IQCM: variants seen among roughly 807,000 people sequenced by gnomAD.
IQCM encodes IQ domain-containing protein M.
A neutral mutation model predicts 57.6 loss-of-function variants in IQCM; 45 were observed. The observed-to-expected ratio is 0.78, with a 90% CI of 0.62 to 1.00. IQCM has a LOEUF of 1.00. Among genes scored for constraint, IQCM ranks in the 50% least tolerant of loss-of-function variants. The pLI is 0.00. For synonymous variants in IQCM, 148 were observed against 158.9 expected (o/e 0.93, Z 0.51); for missense variants, 468 against 511.6 (o/e 0.91, Z 0.82).
At chr4:149,809,786 T>C (rs1394512140) in intron 2 of IQCM, among the ~76,000 whole-genome samples, 1 of 152,138 alleles carries the variant, frequency 6.6e-6, no homozygotes, top group Non-Finnish European at 1.5e-5. Context: ...AGCATCTCCA[T>C]TTCATATTCT....
Position 149,692,946 on chromosome 4 carries a change from T to G in IQCM, c.386-6478A>C, listed in dbSNP as rs547793815. 1.5e-3 allele frequency among the ~76,000 whole-genome samples: 226 copies of G among 152,236 alleles called. 1 individual carries two copies. Among genetic ancestry groups the G allele is most frequent in the African/African-American group, 5.3e-3 (219 of 41,532 alleles). On this transcript the variant is annotated intron_variant, in intron 5 of 13. Transcript: ENST00000636793. ...TGATGAATTCTTAGAGGTTTTACAA[T>G]GAAGTTAAGCAAAAGGAATGTAAGG...
At chr4:149,510,791 GAT>G (rs1198211470) in intron 12 of IQCM, among the ~76,000 whole-genome samples, 4 of 152,092 alleles carry the variant, frequency 2.6e-5, no homozygotes, top group South Asian at 4.1e-4. Flanking sequence ...TGTGTTTGTA[GAT>G]ATAGTGTCAT....
chr4:149,578,704 G>T (rs1751889820), intron 9 of IQCM, among the ~76,000 whole-genome samples: 1 of 151,786 alleles, frequency 6.6e-6, no homozygotes. Flanking sequence ...ATAAATGAAT[G>T]TCCACAATTC....
intron 12 of IQCM, among the ~76,000 whole-genome samples, chr4:149,477,626 A>T (rs1740337906): frequency 6.6e-6 from 1 of 152,192 alleles, no homozygotes; most frequent in African/African-American, 2.4e-5. Context: ...GAAATGGAGC[A>T]GGTATGTGTA....
rs556011127 is a variant in IQCM, at chr4:149,570,381, A to T, written c.750-6491T>A. On this transcript the variant is annotated intron_variant, in intron 9 of 13. Transcript: ENST00000636793. ...TAATCTTTACGTGAAAATGATGCCC[A>T]CTAGGTCCTCCTAAAAAACCAGCTC... is the stretch of plus-strand genomic sequence containing the variant. Among the ~76,000 whole-genome samples, 25 of 152,190 alleles carry T rather than the reference A, an allele frequency of 1.6e-4. No individual in the cohort carries two copies. In the South Asian group the frequency reaches 5.0e-3, roughly 30 times the overall value.
chr4:149,624,173 C>T (rs558570287), intron 7 of IQCM, among the ~76,000 whole-genome samples: 16 of 151,654 alleles, frequency 1.1e-4, no homozygotes, highest in African/African-American at 2.4e-4. Context: ...TGTGTGTGCG[C>T]GCGCATGCAT....
chr4:149,479,347 A>T (rs1401469683), intron 12 of IQCM, among the ~76,000 whole-genome samples: 1 of 152,172 alleles, frequency 6.6e-6, no homozygotes, highest in Non-Finnish European at 1.5e-5. Flanking sequence ...CACATGGCCA[A>T]AGTTATAATA....
chr4:149,624,035 T>G (rs1481874691), intron 7 of IQCM, among the ~76,000 whole-genome samples: 2 of 152,200 alleles, frequency 1.3e-5, no homozygotes, highest in African/African-American at 4.8e-5. Flanking sequence ...CAAAAAAATA[T>G]TAATTCATGT....
At chr4:149,502,781 C>A (rs760922422) in intron 12 of IQCM, among the ~76,000 whole-genome samples, 2 of 151,970 alleles carry the variant, frequency 1.3e-5, no homozygotes, top group East Asian at 1.9e-4. Context: ...GAGCAATGAA[C>A]GGTCAAATCA....
chr4:149,352,144 A>G (rs759405128), intron 13 of IQCM, 78 bp from the exon 14 acceptor site: 9 of 397,474 alleles, frequency 2.3e-5, no homozygotes, highest in Non-Finnish European at 2.7e-5. Flanking sequence ...TTGAAATTCT[A>G]TAAGTTACAG....
intron 8 of IQCM, among the ~76,000 whole-genome samples, chr4:149,602,833 C>T (rs1754439155): frequency 6.6e-6 from 1 of 151,776 alleles, no homozygotes; most frequent in African/African-American, 2.4e-5. Context: ...CTTTTTTATG[C>T]ACTCTTGTTT....
intron 6 of IQCM, among the ~76,000 whole-genome samples, chr4:149,684,815 G>A (rs1354486735): frequency 6.6e-6 from 1 of 151,290 alleles, no homozygotes; most frequent in Non-Finnish European, 1.5e-5. Flanking sequence ...ATGAAATGAA[G>A]CTAACTGTTA....
rs574245573 is a variant in IQCM, at chr4:149,805,943, T to C, written c.-49+9368A>G. On this transcript the variant is annotated intron_variant, in intron 2 of 13. Transcript: ENST00000636793. Reference sequence around the variant, plus strand: ...TTGTTTTTTGATGTTAATATGAATTTTGGTAGTGCACAATGACAAGTTACG... The same window carrying C: ...TTGTTTTTTGATGTTAATATGAATTCTGGTAGTGCACAATGACAAGTTACG... Among the ~76,000 whole-genome samples, 12 of 152,028 alleles carry C rather than the reference T, an allele frequency of 7.9e-5. No homozygotes were observed. The South Asian group carries it at 2.1e-3, about 26-fold the overall frequency.
chr4:149,544,118 T>A (rs2149884245), intron 12 of IQCM, among the ~76,000 whole-genome samples: 1 of 152,254 alleles, frequency 6.6e-6, no homozygotes, highest in East Asian at 1.9e-4. Flanking sequence ...AAAAAAAAGA[T>A]CCTGAAATGT....
Position 149,733,429 on chromosome 4 carries a change from T to G in IQCM, c.200A>C (p.Glu67Ala). 2 of 1,231,794 alleles carry G rather than the reference T, an allele frequency of 1.6e-6. No homozygotes were observed. The highest frequency in any genetic ancestry group is 2.0e-6 in the Non-Finnish European group (2 of 987,694). 76.3% of individuals were successfully genotyped at this position (1,231,794 alleles called of 1,614,324 possible). ...KPKSGKYIPL[E>A]IDKKVTRDVV... The stretch of plus-strand genomic sequence containing the variant: ...ATCACGTGTTACCTTTTTGTCAATC[T>G]CCAAAGGTATGTATTTGCCAGATTT... Residue 67 changes from glutamate (E) to alanine (A), a missense_variant, in exon 5 of 14, where the codon GAG (glutamate) becomes GCG (alanine). Physicochemically the swap from Glu to Ala is moderately radical, Grantham distance 107. Transcript: ENST00000636793.
rs375356852 is a variant in IQCM, at chr4:149,522,340, T to C, written c.1228+26115A>G. Among the ~76,000 whole-genome samples, 4 of 152,112 alleles carry C rather than the reference T, an allele frequency of 2.6e-5. No individual in the cohort carries two copies. In the East Asian group the frequency reaches 5.8e-4, roughly 22 times the overall value. On this transcript the variant is annotated intron_variant, in intron 12 of 13. Coordinates refer to ENST00000636793, the MANE Select transcript of IQCM (RefSeq NM_001363507.2). Reference sequence around the variant, plus strand: ...ATAAGTATGCAAAGGAAAATAATGCTATGCTCCAGGAACCCAAGAGTCAAG... The same window carrying C: ...ATAAGTATGCAAAGGAAAATAATGCCATGCTCCAGGAACCCAAGAGTCAAG...
At chr4:149,590,247 C>CT (rs71596214) in intron 8 of IQCM, among the ~76,000 whole-genome samples, 12,661 of 73,382 alleles carry the variant, frequency 0.17, 988 homozygotes, top group South Asian at 0.2. Flanking sequence ...TTTTTCTTTC[C>CT]TTTTTTTTTT....
intron 7 of IQCM, among the ~76,000 whole-genome samples, chr4:149,649,184 C>A (rs1219140478): frequency 7.2e-5 from 11 of 152,052 alleles, no homozygotes; most frequent in Admixed American, 7.2e-4. Context: ...CCCACCTGTT[C>A]AGAAAAGGAC....
chr4:149,426,628 T>C (rs1734480803), intron 13 of IQCM, among the ~76,000 whole-genome samples: 1 of 151,924 alleles, frequency 6.6e-6, no homozygotes, highest in Admixed American at 6.6e-5. Flanking sequence ...TTCCACATTG[T>C]ATTACTCACA....
Sources: gnomAD v4.1 joint callset for allele counts (sites outside exome capture counted in the v4.1 genomes callset) on GRCh38, gnomAD v4.1.1 for gene constraint, MANE v1.5 for transcripts, NCBI Gene and HGNC (gene_info 2026-07-23, HGNC 2026-07-21) for gene names.